The following DOCK8 variants were observed in gnomAD, a reference collection of about 807,000 sequenced individuals.
The protein encoded by DOCK8 is dedicator of cytokinesis protein 8.
Under a neutral mutation model 245.6 loss-of-function variants are expected in DOCK8, and 141 were observed. The ratio of observed to expected loss-of-function variants is 0.57; its 90% CI spans 0.50 to 0.66. DOCK8 has a LOEUF of 0.66. Ranked by LOEUF, DOCK8 falls within the 30% of genes least tolerant of loss-of-function variation. The pLI, the probability that DOCK8 is intolerant of heterozygous loss-of-function variation, is 0.00. For synonymous variants in DOCK8, 1,168 were observed against 970.2 expected (o/e 1.20, Z -3.79); for missense variants, 2,965 against 2,603.4 (o/e 1.14, Z -3.02).
chr9:368,757 G>A (rs2053139910), intron 15 of DOCK8: 1 of 151,116 alleles, frequency 6.6e-6, no homozygotes, highest in African/African-American at 2.4e-5. Flanking sequence ...TGAGATGGTG[G>A]TTAGCTATTA....
chr9:360,068 C>A (rs1191959517), intron 14 of DOCK8, among the ~76,000 whole-genome samples: 1 of 152,110 alleles, frequency 6.6e-6, no homozygotes, highest in African/African-American at 2.4e-5. Context: ...GTAATCCCAA[C>A]ATTTTGGGAG....
intron 1 of DOCK8, among the ~76,000 whole-genome samples, chr9:247,875 A>C (rs1382174797): frequency 1.3e-5 from 2 of 152,044 alleles, no homozygotes; most frequent in African/African-American, 4.8e-5. Flanking sequence ...TTCCAGACTA[A>C]ATTCTGTTTA....
chr9:345,944 C>T (rs752326015), intron 14 of DOCK8, among the ~76,000 whole-genome samples: 1 of 152,022 alleles, frequency 6.6e-6, no homozygotes, highest in Non-Finnish European at 1.5e-5. Context: ...AATCCTTGCT[C>T]TAACGATAGA....
At chr9:396,377 C>T (rs890425678) in intron 24 of DOCK8, among the ~76,000 whole-genome samples, 12 of 152,260 alleles carry the variant, frequency 7.9e-5, no homozygotes, top group Admixed American at 4.6e-4. Flanking sequence ...GACTTTAGTT[C>T]GCATCAAGAA....
At chr9:406,841 G>A in intron 27 of DOCK8, 89 bp from the exon 28 acceptor site, 1 of 1,580,012 alleles carries the variant, frequency 6.3e-7, no homozygotes, top group Admixed American at 1.7e-5. Flanking sequence ...CACGAAGCCT[G>A]GCTGGGGCGA....
intron 1 of DOCK8, among the ~76,000 whole-genome samples, chr9:253,168 C>T (rs2047690410): frequency 6.6e-6 from 1 of 152,130 alleles, no homozygotes; most frequent in African/African-American, 2.4e-5. Flanking sequence ...GGCTTCACTT[C>T]CTCAGTGTCC....
chr9:230,880 T>G (rs1329541353), intron 1 of DOCK8, among the ~76,000 whole-genome samples: 1 of 152,176 alleles, frequency 6.6e-6, no homozygotes, highest in Non-Finnish European at 1.5e-5. Flanking sequence ...TAGTTTCTTT[T>G]GCTGTGCAGA....
Position 214,875 on chromosome 9 carries a change from G to C in DOCK8, c.-102G>C, listed in dbSNP as rs1359298823. 3 of 1,601,996 alleles carry C rather than the reference G, an allele frequency of 1.9e-6. No individual in the cohort carries two copies. The highest frequency in any genetic ancestry group is 1.7e-6 in the Non-Finnish European group (2 of 1,174,820). On this transcript the variant is annotated 5_prime_UTR_variant, in exon 1 of 48. Transcript: ENST00000432829. ...TTTCCAGCGCCGACCGACAGACGAG[G>C]TTTGCGCTTGGCTGGGCATGTTCCG...
At chr9:240,836 T>G (rs1054425218) in intron 1 of DOCK8, among the ~76,000 whole-genome samples, 2 of 152,182 alleles carry the variant, frequency 1.3e-5, no homozygotes, top group Admixed American at 6.5e-5. Context: ...TCATGTCAGA[T>G]AATGTCTCAT....
chr9:312,151 C>T lies in DOCK8; in HGVS notation c.726C>T (p.Tyr242=), dbSNP rs2130699468. 1.2e-6 allele frequency: 2 copies of T among 1,614,196 alleles called. No homozygotes were observed. The highest frequency in any genetic ancestry group is 1.7e-6 in the Non-Finnish European group (2 of 1,180,010). ...TNRQAELFAL[Y]PSVDEEDAVE... is the part of the protein sequence containing the mutation. ...GGCAGGCCGAGCTCTTTGCCCTTTA[C>T]CCATCAGTGGACGAGGTGGGTGCCA... The change falls in exon 6 of 48, where the codon TAC becomes TAT. Residue 242 remains tyrosine (Y), a synonymous_variant. Coordinates refer to ENST00000432829, the MANE Select transcript of DOCK8 (RefSeq NM_203447.4).
intron 24 of DOCK8, among the ~76,000 whole-genome samples, chr9:391,041 C>T (rs1410027377): frequency 6.6e-6 from 1 of 152,214 alleles, no homozygotes; most frequent in Non-Finnish European, 1.5e-5. Flanking sequence ...AACCTCATCT[C>T]ACGCCACATT....
chr9:391,537 A>G (rs1354919946), intron 24 of DOCK8, among the ~76,000 whole-genome samples: 1 of 152,232 alleles, frequency 6.6e-6, no homozygotes, highest in Non-Finnish European at 1.5e-5. Context: ...TAATACCTTA[A>G]TTTTAAAATA....
intron 7 of DOCK8, among the ~76,000 whole-genome samples, chr9:319,470 A>G (rs1434855777): frequency 1.3e-5 from 2 of 152,264 alleles, no homozygotes; most frequent in African/African-American, 2.4e-5. Context: ...GAGAAGAGAT[A>G]GACCAAAAAG....
At chr9:297,767 T>A (rs922275676) in intron 4 of DOCK8, among the ~76,000 whole-genome samples, 8 of 152,310 alleles carry the variant, frequency 5.3e-5, no homozygotes, top group African/African-American at 1.9e-4. Flanking sequence ...CAAGGAGCTT[T>A]GAGACTTTCT....
chr9:285,274 C>A, intron 2 of DOCK8, among the ~76,000 whole-genome samples: 1 of 152,152 alleles, frequency 6.6e-6, no homozygotes, highest in Non-Finnish European at 1.5e-5. Context: ...TCTTCAACAG[C>A]GCTTTGTCTC....
At chr9:251,972 CTTTTTTTT>C (rs34456943) in intron 1 of DOCK8, among the ~76,000 whole-genome samples, 1 of 130,614 alleles carries the variant, frequency 7.7e-6, no homozygotes, top group Non-Finnish European at 1.6e-5. Context: ...ATTGTGTTTT[CTTTTTTTT>C]TTTTTTTTTT....
chr9:426,189 C>T (rs535918360), intron 33 of DOCK8, among the ~76,000 whole-genome samples: 2 of 152,134 alleles, frequency 1.3e-5, no homozygotes, highest in Non-Finnish European at 2.9e-5. Context: ...CATTCTGATT[C>T]CTTAAAGTGA....
At chr9:430,436 C>T (rs1455039605) in intron 36 of DOCK8, among the ~76,000 whole-genome samples, 1 of 151,922 alleles carries the variant, frequency 6.6e-6, no homozygotes, top group African/African-American at 2.4e-5. Flanking sequence ...AATCCTAGCA[C>T]TTCGGGAGGC....
At chr9:350,310 C>G (rs1174428966) in intron 14 of DOCK8, among the ~76,000 whole-genome samples, 2 of 152,194 alleles carry the variant, frequency 1.3e-5, no homozygotes, top group African/African-American at 4.8e-5. Flanking sequence ...CAAGGTCTCA[C>G]TCTGTTGCCC....
Sources: allele counts gnomAD v4.1 joint callset (sites outside exome capture counted in the v4.1 genomes callset), GRCh38; gene constraint gnomAD v4.1.1; transcripts MANE v1.5; gene names NCBI Gene and HGNC (gene_info 2026-07-23, HGNC 2026-07-21).